The following PPFIA4 variants were observed in gnomAD, a reference collection of about 807,000 sequenced individuals.
PPFIA4 encodes the protein PPFI scaffold protein A4.
In PPFIA4, 98 loss-of-function variants were observed where a neutral mutation model predicts 145.7. The observed-to-expected ratio is 0.67, with a 90% confidence interval of 0.57 to 0.80. The LOEUF (loss-of-function observed/expected upper bound fraction) is 0.80. PPFIA4 is among the 30% of genes least tolerant of loss of function. The pLI is 0.00. For synonymous variants in PPFIA4, 628 were observed against 649.6 expected (o/e 0.97, Z 0.51); for missense variants, 1,457 against 1,632.7 (o/e 0.89, Z 1.85).
At position 203,051,231 on chromosome 1, in the gene PPFIA4, C is replaced by T. The variant is rs563511476; in HGVS notation, c.1512-538C>T. ...ACAGTGTTAGGGCCTCCTAAAGCTT[C>T]CTAGGCATAGGGGTATGCCTGGCTT... On this transcript the variant is annotated intron_variant, in intron 13 of 29. Transcript: ENST00000295706. 12 of 985,374 alleles carry T rather than the reference C, an allele frequency of 1.2e-5. No individual in the cohort carries two copies. The South Asian group carries it at 4.7e-4, about 39-fold the overall frequency. 61.0% of individuals were successfully genotyped at this position (985,374 alleles called of 1,614,324 possible).
Position 203,055,387 on chromosome 1 carries a change from C to G in PPFIA4, c.1830-45C>G. 3 of 1,608,796 alleles carry G rather than the reference C, an allele frequency of 1.9e-6. No homozygotes were observed. The South Asian group carries it at 3.3e-5, about 18-fold the overall frequency. On this transcript the variant is annotated intron_variant, in intron 15 of 29. Transcript: ENST00000295706. The surrounding 1 kb of genome is among the most constrained non-coding windows in gnomAD (Gnocchi z 4.8). ...TCGACCCGCACTGCCTCCTGCTGGT[C>G]CTGGCTGGGGCTAGTGGTGAGGTCT...
chr1:203,031,908 CAT>C (rs1416557495), intron 1 of PPFIA4, among the ~76,000 whole-genome samples: 1 of 152,112 alleles, frequency 6.6e-6, no homozygotes, highest in African/African-American at 2.4e-5. Context: ...GGTGCAGACT[CAT>C]ATTTTGACTT....
intron 15 of PPFIA4, among the ~76,000 whole-genome samples, chr1:203,054,709 C>CAG (rs1660787063): frequency 1.3e-5 from 2 of 150,880 alleles, no homozygotes; most frequent in Non-Finnish European, 1.5e-5. Flanking sequence ...CACATACACA[C>CAG]ACAGAGAGAG....
intron 28 of PPFIA4, among the ~76,000 whole-genome samples, chr1:203,072,281 C>T (rs1322222776): frequency 6.6e-6 from 1 of 152,220 alleles, no homozygotes; most frequent in African/African-American, 2.4e-5. Context: ...CAGTTAAACA[C>T]ACGCTCGGGC....
chr1:203,050,294 A>G (rs940851939), intron 13 of PPFIA4, among the ~76,000 whole-genome samples: 2 of 152,234 alleles, frequency 1.3e-5, no homozygotes, highest in Non-Finnish European at 2.9e-5. Context: ...ATTGTGAGAG[A>G]TGGAGCTTAT....
Position 203,056,962 on chromosome 1 carries a change from C to A in PPFIA4, c.2407+12C>A. ...AGCCACAGGCCATGGTCTCTGTCCC[C>A]TTCCTAACGGAGGTCTGGGCGGGCA... On this transcript the variant is annotated intron_variant, in intron 19 of 29. Coordinates refer to ENST00000295706, the MANE Select transcript of PPFIA4 (RefSeq NM_001304331.2). The A allele has an allele frequency of 6.2e-7, 1 of 1,613,436 alleles. No homozygotes were observed. The highest frequency in any genetic ancestry group is 1.1e-5 in the South Asian group (1 of 91,078).
chr1:203,060,990 C>A lies in PPFIA4; in HGVS notation c.2805C>A (p.Val935=). 6.2e-7 allele frequency: 1 copy of A among 1,613,998 alleles called. No individual in the cohort carries two copies. Residue 935 remains valine (V), a synonymous_variant, in exon 23 of 30, where the codon GTC becomes GTA. Coordinates refer to ENST00000295706, the MANE Select transcript of PPFIA4 (RefSeq NM_001304331.2). The surrounding 1 kb of genome is among the most constrained non-coding windows in gnomAD (Gnocchi z 4.8). The stretch of plus-strand genomic sequence containing the variant: ...TGCAGTCTTCTGGGAATGTCTGGGT[C>A]ACCCATGAAGAGATGGAAACTCTGG... ...TSRTSSGNVW[V]THEEMETLET...
intron 1 of PPFIA4, chr1:203,035,678 G>T (rs1175783646): frequency 2.2e-6 from 1 of 456,720 alleles, no homozygotes; most frequent in Admixed American, 2.3e-5. Context: ...AGTTGAGGAG[G>T]CTTCTGTTAG....
intron 1 of PPFIA4, among the ~76,000 whole-genome samples, chr1:203,035,816 G>C (rs181789958): frequency 6.7e-6 from 1 of 149,654 alleles, no homozygotes; most frequent in South Asian, 2.2e-4. Flanking sequence ...AGAGAGGACA[G>C]GGGCAGGAGG....
chr1:203,060,244 G>A lies in PPFIA4; in HGVS notation c.2611G>A (p.Val871Met), dbSNP rs757688255. 15 of 1,614,102 alleles carry A rather than the reference G, an allele frequency of 9.3e-6. No homozygotes were observed. The highest frequency in any genetic ancestry group is 1.3e-5 in the Non-Finnish European group (15 of 1,179,978). ...ELWVGMPAWYVAACRANVKSG... is the reference protein window; with the variant it reads ...ELWVGMPAWYMAACRANVKSG... ...CTGGGTGGGGATGCCTGCCTGGTAT[G>A]TGGCAGCCTGCCGGGCCAACGTCAA... Residue 871 changes from valine to methionine, a missense_variant, in exon 22 of 30, where the codon GTG becomes ATG. Val to Met is a conservative substitution (Grantham distance 21). Coordinates refer to ENST00000295706, the MANE Select transcript of PPFIA4 (RefSeq NM_001304331.2). The surrounding 1 kb of genome is among the most constrained non-coding windows in gnomAD (Gnocchi z 4.8).
In PPFIA4 at chr1:203,032,278, G is replaced by A. The variant is rs568969280; in HGVS notation, c.-400+5649G>A. 4.2e-4 allele frequency among the ~76,000 whole-genome samples: 64 copies of A among 152,198 alleles called. No homozygotes were observed. The South Asian group carries it at 7.1e-3, about 17-fold the overall frequency. On this transcript the variant is annotated intron_variant, in intron 1 of 29. Transcript: ENST00000295706. The stretch of plus-strand genomic sequence containing the variant: ...TTCACCCTCCTTTTGGCCTTGGACT[G>A]CCCCTAAAGGTACTTTGTCGTAAAG...
At chr1:203,073,653 G>A (rs1044665994) in intron 28 of PPFIA4, among the ~76,000 whole-genome samples, 3 of 152,132 alleles carry the variant, frequency 2.0e-5, no homozygotes, top group African/African-American at 7.2e-5. Flanking sequence ...AGGCTCTTAA[G>A]GGCGGTATCC....
At chr1:203,074,082 T>A (rs1662356157) in intron 28 of PPFIA4, among the ~76,000 whole-genome samples, 1 of 151,836 alleles carries the variant, frequency 6.6e-6, no homozygotes, top group Admixed American at 6.6e-5. Context: ...AGAAAGAAAG[T>A]GAAAGGCATG....
chr1:203,043,744 C>T lies in PPFIA4; in HGVS notation c.337-187C>T, dbSNP rs1215079057. The stretch of plus-strand genomic sequence containing the variant: ...AAAGCTCAGGGTCCTGGGGAGAGGC[C>T]GGGGCAGTCACCTTGAGTAGTATCA... On this transcript the variant is annotated intron_variant, in intron 3 of 29. Transcript: ENST00000295706. This position sits in a 1 kb window ranked among gnomAD's most constrained non-coding sequence, Gnocchi z 4.4. Among the ~76,000 whole-genome samples, 1 of 152,144 alleles carries T rather than the reference C, an allele frequency of 6.6e-6. No individual in the cohort carries two copies. Among genetic ancestry groups the T allele is most frequent in the East Asian group, 1.9e-4 (1 of 5,186 alleles).
At chr1:203,042,460 G>C (rs1571676884) in intron 2 of PPFIA4, among the ~76,000 whole-genome samples, 1 of 152,290 alleles carries the variant, frequency 6.6e-6, no homozygotes, top group East Asian at 1.9e-4. Flanking sequence ...CTCCTAGAAA[G>C]CCTGACTGGG....
intron 29 of PPFIA4, 47 bp from the exon 30 acceptor site, chr1:203,076,294 C>T (rs752818981): frequency 1.3e-6 from 2 of 1,577,750 alleles, no homozygotes; most frequent in Admixed American, 1.7e-5. Flanking sequence ...CGCAGATGCC[C>T]TGCAACCTGC....
chr1:203,067,169 G>A (rs1347535933), intron 25 of PPFIA4, among the ~76,000 whole-genome samples: 1 of 152,206 alleles, frequency 6.6e-6, no homozygotes, highest in African/African-American at 2.4e-5. Flanking sequence ...CCTGAGGCCT[G>A]CAGGCCCAGT....
Position 203,075,822 on chromosome 1 carries a change from C to G in PPFIA4, c.3574+65C>G. 7.5e-7 allele frequency: 1 copy of G among 1,332,056 alleles called. No individual in the cohort carries two copies. Among genetic ancestry groups the G allele is most frequent in the Non-Finnish European group, 9.7e-7 (1 of 1,033,810 alleles). 82.5% of individuals were successfully genotyped at this position (1,332,056 alleles called of 1,614,324 possible). On this transcript the variant is annotated intron_variant, in intron 29 of 29. Transcript: ENST00000295706. The surrounding 1 kb of genome is among the most constrained non-coding windows in gnomAD (Gnocchi z 4.1). ...GAGCGCGGGCTTCTTCCTGGCACCC[C>G]AGGGCCGGGCCGGGTGGAGAGGGGC... is the stretch of plus-strand genomic sequence containing the variant.
Position 203,068,721 on chromosome 1 carries a change from T to A in PPFIA4, c.3324+93T>A. ...CTCATACACAAAGGCTTAGGTATCT[T>A]GGGGGGTGGGGAGCTTTTCTAGGGC... is the stretch of plus-strand genomic sequence containing the variant. On this transcript the variant is annotated intron_variant, in intron 27 of 29. Transcript: ENST00000295706. This position sits in a 1 kb window ranked among gnomAD's most constrained non-coding sequence, Gnocchi z 4.7. The A allele has an allele frequency of 7.7e-7, 1 of 1,299,860 alleles. No homozygotes were observed. The highest frequency in any genetic ancestry group is 1.0e-6 in the Non-Finnish European group (1 of 990,296). The allele number at this position is 1,299,860 out of a possible 1,614,324, so 80.5% of individuals were successfully genotyped here. A position where few individuals can be genotyped will look rare whatever the true frequency, so the allele number is the denominator to read the frequency against.
Sources: allele counts gnomAD v4.1 joint callset (sites outside exome capture counted in the v4.1 genomes callset), GRCh38; gene constraint gnomAD v4.1.1; non-coding constraint Gnocchi (gnomAD v3.1); transcripts MANE v1.5; gene names NCBI Gene and HGNC (gene_info 2026-07-23, HGNC 2026-07-21).